SHOC1: variants seen among roughly 807,000 people sequenced by gnomAD.
SHOC1 encodes shortage in chiasmata 1.
SHOC1 carries 136 observed loss-of-function variants against 179.2 expected under a neutral mutation model. That is an observed-to-expected ratio of 0.76 (90% CI 0.66 to 0.87). The LOEUF (loss-of-function observed/expected upper bound fraction) is 0.87. Among genes scored for constraint, SHOC1 ranks in the 40% least tolerant of loss-of-function variants. SHOC1 has a pLI of 0.00. For synonymous variants in SHOC1, 489 were observed against 586.6 expected, an observed-to-expected ratio of 0.83 and a Z score of 2.41; for missense variants, 1,538 against 1,700.8, an observed-to-expected ratio of 0.90 and a Z score of 1.68.
At chr9:111,713,247 A>G in intron 17 of SHOC1, 75 bp from the exon 18 acceptor site, 1 of 740,242 alleles carries the variant, frequency 1.4e-6, no homozygotes, top group Non-Finnish European at 2.2e-6. Flanking sequence ...TGACAAAATA[A>G]CAAACTTTAA....
intron 3 of SHOC1, among the ~76,000 whole-genome samples, chr9:111,782,336 T>C (rs1214189619): frequency 6.6e-6 from 1 of 152,218 alleles, no homozygotes; most frequent in African/African-American, 2.4e-5. Flanking sequence ...CTCAACCTTT[T>C]TGCACCTCTG....
intron 27 of SHOC1, 37 bp downstream of exon 27, chr9:111,691,508 ATTAAAT>A (rs1478325372): frequency 1.3e-6 from 2 of 1,504,656 alleles, no homozygotes; most frequent in South Asian, 2.7e-5. Context: ...ATCTTTTAAA[ATTAAAT>A]TTGAGAGTAG....
At chr9:111,759,395 A>C in intron 5 of SHOC1, 1 of 1,464,628 alleles carries the variant, frequency 6.8e-7, no homozygotes, top group Non-Finnish European at 9.0e-7. Flanking sequence ...AGTTTTAAGC[A>C]AAGAATCTAC....
At chr9:111,704,088 T>C in intron 21 of SHOC1, 96 bp from the exon 22 acceptor site, 1 of 577,280 alleles carries the variant, frequency 1.7e-6, no homozygotes, top group Non-Finnish European at 3.0e-6. Context: ...GTTATTTGGA[T>C]TTCTATGCTT....
intron 12 of SHOC1, among the ~76,000 whole-genome samples, chr9:111,729,846 C>T (rs1334490653): frequency 2.7e-5 from 4 of 147,722 alleles, no homozygotes; most frequent in Non-Finnish European, 5.9e-5. Context: ...GAGCCAAGAT[C>T]ATGCTACTGC....
rs111472362 is a variant in SHOC1, at chr9:111,751,409, C to T, written c.863-3210G>A. Among the ~76,000 whole-genome samples, 528 of 152,166 alleles carry T rather than the reference C, an allele frequency of 3.5e-3. 2 individuals carry two copies. The highest frequency in any genetic ancestry group is 0.012 in the African/African-American group (493 of 41,520). On this transcript the variant is annotated intron_variant, in intron 8 of 27. Transcript: ENST00000682961. Reference sequence around the variant, plus strand: ...AATTTTTGCACATTGATTTTGTATCCTGAGACTTTGCTGAAGTTGCTTATC... The same window carrying T: ...AATTTTTGCACATTGATTTTGTATCTTGAGACTTTGCTGAAGTTGCTTATC...
At chr9:111,713,910 A>G (rs1177185597) in intron 17 of SHOC1, among the ~76,000 whole-genome samples, 2 of 152,228 alleles carry the variant, frequency 1.3e-5, no homozygotes, top group African/African-American at 4.8e-5. Flanking sequence ...TAAATCATTG[A>G]GTTCTATTAT....
In SHOC1 at chr9:111,705,284, G is replaced by T. The variant is rs1454652192; in HGVS notation, c.2818C>A (p.Leu940Ile). Residue 940 changes from leucine (L) to isoleucine (I), a missense_variant, in exon 21 of 28, where the codon CTT becomes ATT. Physicochemically the swap from Leu to Ile is conservative, Grantham distance 5. Transcript: ENST00000682961. ...PYVFFASEGL[L>I]NTPDILQLLE... ...AGCTGAAGTATGTCTGGAGTATTAA[G>T]AAGTCCTTCAGATGCAAAAAACACA... The T allele has an allele frequency of 1.9e-6, 3 of 1,584,902 alleles. No homozygotes were observed. The highest frequency in any genetic ancestry group is 2.6e-6 in the Non-Finnish European group (3 of 1,166,408).
intron 7 of SHOC1, 92 bp from the exon 8 acceptor site, chr9:111,756,570 T>C (rs972269854): frequency 4.6e-6 from 5 of 1,076,656 alleles, no homozygotes; most frequent in Non-Finnish European, 6.7e-6. Context: ...TTAAATGATG[T>C]GCCAAATTTT....
chr9:111,758,096 T>C lies in SHOC1; in HGVS notation c.696A>G (p.Ile232Met), dbSNP rs776758324. ...NFCQEKLEDT[I>M]CLNEPSSFLI... ...CCAGTATTACAACCTCATTTAAACA[T>C]ATTGTATCTTCTAGTTTCTCTTGAC... is the stretch of plus-strand genomic sequence containing the variant. Residue 232 changes from isoleucine to methionine, a missense_variant, in exon 7 of 28, where the codon ATA (isoleucine) becomes ATG (methionine). Coordinates refer to ENST00000682961, the MANE Select transcript of SHOC1 (RefSeq NM_001378211.1). 1 of 1,510,296 alleles carries C rather than the reference T, an allele frequency of 6.6e-7. No individual in the cohort carries two copies. The highest frequency in any genetic ancestry group is 1.2e-5 in the South Asian group (1 of 81,182). 93.6% of individuals were successfully genotyped at this position (1,510,296 alleles called of 1,614,324 possible).
chr9:111,776,532 T>C (rs1835840605), intron 4 of SHOC1, among the ~76,000 whole-genome samples: 1 of 152,172 alleles, frequency 6.6e-6, no homozygotes, highest in African/African-American at 2.4e-5. Flanking sequence ...TACCCAGCCT[T>C]TTATGTTCTG....
intron 5 of SHOC1, chr9:111,759,273 C>G (rs368051256): frequency 6.2e-7 from 1 of 1,613,294 alleles, no homozygotes; most frequent in Admixed American, 1.7e-5. Context: ...AATTCATCCC[C>G]CAGAGTCTCT....
At chr9:111,727,574 T>C (rs529017592) in intron 13 of SHOC1, 59 bp downstream of exon 13, 1 of 1,392,848 alleles carries the variant, frequency 7.2e-7, no homozygotes, top group Admixed American at 2.5e-5. Flanking sequence ...CTATAATAAA[T>C]TATGTACTTA....
chr9:111,706,603 GCC>G lies in SHOC1; in HGVS notation c.2700_2701del (p.Met900IlefsTer3). On this transcript the variant is annotated frameshift_variant, in exon 20 of 28. Coordinates refer to ENST00000682961, the MANE Select transcript of SHOC1 (RefSeq NM_001378211.1). LOFTEE classifies it high-confidence loss of function. Reference sequence around the variant, plus strand: ...TGTGTCTGGAAGAATCACTTTAAAGGCCATGTAAGGAATATTCAACTCTTTGC... The same window carrying G: ...TGTGTCTGGAAGAATCACTTTAAAGGATGTAAGGAATATTCAACTCTTTGC... 2 of 1,591,950 alleles carry G rather than the reference GCC, an allele frequency of 1.3e-6. No homozygotes were observed. Among genetic ancestry groups the G allele is most frequent in the South Asian group, 2.3e-5 (2 of 87,254 alleles).
chr9:111,761,534 T>C (rs908655258), intron 5 of SHOC1, among the ~76,000 whole-genome samples: 1 of 151,866 alleles, frequency 6.6e-6, no homozygotes, highest in Non-Finnish European at 1.5e-5. Flanking sequence ...ACAAACCTCA[T>C]GCACCTTCAA....
chr9:111,705,414 G>A, intron 20 of SHOC1, 50 bp from the exon 21 acceptor site: 1 of 828,350 alleles, frequency 1.2e-6, no homozygotes, highest in Non-Finnish European at 1.8e-6. Flanking sequence ...TCATCTCCCA[G>A]CTCTTTCTCT....
Position 111,758,064 on chromosome 9 carries a change from T to G in SHOC1, c.708+20A>C. The stretch of plus-strand genomic sequence containing the variant: ...CCTCACTACTTTTACTAAAATATTA[T>G]TGAAAGCCAGTATTACAACCTCATT... On this transcript the variant is annotated intron_variant, in intron 7 of 27. Transcript: ENST00000682961. 1 of 1,260,972 alleles carries G rather than the reference T, an allele frequency of 7.9e-7. No homozygotes were observed. The highest frequency in any genetic ancestry group is 1.1e-6 in the Non-Finnish European group (1 of 898,488). The allele number at this position is 1,260,972 out of a possible 1,614,324, so 78.1% of individuals were successfully genotyped here.
intron 9 of SHOC1, 70 bp from the exon 10 acceptor site, chr9:111,746,412 C>T (rs1834287989): frequency 1.0e-6 from 1 of 953,374 alleles, no homozygotes; most frequent in Non-Finnish European, 1.6e-6. Context: ...TGGTGGCTCA[C>T]ACCTGTAATT....
intron 8 of SHOC1, among the ~76,000 whole-genome samples, chr9:111,753,996 A>C (rs1046346060): frequency 1.3e-5 from 2 of 152,196 alleles, no homozygotes. Flanking sequence ...AGTTAATAAT[A>C]ATGCATTGTA....
Sources: allele counts gnomAD v4.1 joint callset (sites outside exome capture counted in the v4.1 genomes callset), GRCh38; gene constraint gnomAD v4.1.1; transcripts MANE v1.5; gene names NCBI Gene and HGNC (gene_info 2026-07-23, HGNC 2026-07-21).